The following CPEB3 variants were observed in gnomAD, a reference collection of about 807,000 sequenced individuals.
CPEB3 encodes cytoplasmic polyadenylation element-binding protein 3.
A neutral mutation model predicts 67.2 loss-of-function variants in CPEB3; 20 were observed. That is an observed-to-expected ratio of 0.30 (90% CI 0.21 to 0.43). The LOEUF is 0.43. Ranked by LOEUF, CPEB3 falls within the 20% of genes least tolerant of loss-of-function variation. The pLI is 1.00. For missense variants in CPEB3, 746 were observed against 968.6 expected (o/e 0.77, Z 3.05); for synonymous variants, 376 against 393.1 (o/e 0.96, Z 0.51).
intron 2 of CPEB3, among the ~76,000 whole-genome samples, chr10:92,237,232 C>A (rs1590485204): frequency 6.6e-6 from 1 of 152,286 alleles, no homozygotes; most frequent in Non-Finnish European, 1.5e-5. Context: ...AAAATTGCTC[C>A]AAAACCCTAA....
At chr10:92,192,662 A>G (rs1590349713) in intron 2 of CPEB3, 26 bp from the exon 3 acceptor site, 1 of 1,530,922 alleles carries the variant, frequency 6.5e-7, no homozygotes, top group East Asian at 2.3e-5. Flanking sequence ...AAAACAAGAC[A>G]ATACATAAAA....
intron 2 of CPEB3, among the ~76,000 whole-genome samples, chr10:92,236,574 C>T (rs1256437050): frequency 1.3e-5 from 2 of 152,020 alleles, no homozygotes; most frequent in South Asian, 2.1e-4. Context: ...ATGGTGAAAC[C>T]CTGCTTCTAC....
intron 9 of CPEB3, among the ~76,000 whole-genome samples, chr10:92,071,008 T>C (rs959455348): frequency 2.0e-5 from 3 of 151,944 alleles, no homozygotes; most frequent in African/African-American, 7.3e-5. Context: ...TTTGACATAA[T>C]GTGTTATCAG....
intron 2 of CPEB3, among the ~76,000 whole-genome samples, chr10:92,198,634 A>G (rs1438160595): frequency 6.6e-6 from 1 of 152,242 alleles, no homozygotes; most frequent in African/African-American, 2.4e-5. Flanking sequence ...GAACCAAATG[A>G]TAAAATTAAC....
intron 2 of CPEB3, among the ~76,000 whole-genome samples, chr10:92,206,762 T>C (rs1849811720): frequency 6.6e-6 from 1 of 152,198 alleles, no homozygotes; most frequent in Non-Finnish European, 1.5e-5. Flanking sequence ...ATTACTTTTC[T>C]AGGCAAATTA....
intron 2 of CPEB3, among the ~76,000 whole-genome samples, chr10:92,231,722 C>T (rs1367846072): frequency 6.6e-6 from 1 of 151,936 alleles, no homozygotes; most frequent in Non-Finnish European, 1.5e-5. Context: ...CTTTTCTTTT[C>T]TTTTCTTTTC....
intron 2 of CPEB3, among the ~76,000 whole-genome samples, chr10:92,230,413 C>T (rs2134552771): frequency 6.6e-6 from 1 of 152,244 alleles, no homozygotes; most frequent in East Asian, 1.9e-4. Context: ...AATATAAAGG[C>T]TGTTTTGTGC....
rs574721174 is a variant in CPEB3, at chr10:92,203,358, ATATATATG to A, written c.1006-10730_1006-10723del. 4.5e-3 allele frequency among the ~76,000 whole-genome samples: 657 copies of A among 147,008 alleles called. 4 individuals carry two copies. Among genetic ancestry groups the A allele is most frequent in the Non-Finnish European group, 7.2e-3 (482 of 67,054 alleles). ...AGATGATATATATATATATATATGT[ATATATATG>A]TATATATGTATATATGTATGTGTAT... On this transcript the variant is annotated intron_variant, in intron 2 of 9. Coordinates refer to ENST00000265997, the MANE Select transcript of CPEB3 (RefSeq NM_014912.5).
intron 1 of CPEB3, among the ~76,000 whole-genome samples, chr10:92,249,686 ATTTT>A (rs1852213275): frequency 6.6e-6 from 1 of 151,540 alleles, no homozygotes; most frequent in African/African-American, 2.4e-5. Context: ...AAAATTAGAA[ATTTT>A]AAAAGTTGAA....
intron 2 of CPEB3, among the ~76,000 whole-genome samples, chr10:92,215,190 T>C (rs2134378550): frequency 6.6e-6 from 1 of 151,154 alleles, no homozygotes; most frequent in East Asian, 1.9e-4. Flanking sequence ...TCTCACTCTG[T>C]TGCCCGGGCT....
At chr10:92,095,598 ATATTTTTTT>A (rs1193207863) in intron 7 of CPEB3, among the ~76,000 whole-genome samples, 1 of 85,290 alleles carries the variant, frequency 1.2e-5, no homozygotes, top group African/African-American at 5.9e-5. Context: ...ATATATATAT[ATATTTTTTT>A]TTTTTCATTG....
At chr10:92,117,187 C>G (rs1455868321) in intron 6 of CPEB3, among the ~76,000 whole-genome samples, 1 of 151,340 alleles carries the variant, frequency 6.6e-6, no homozygotes, top group East Asian at 1.9e-4. Context: ...CCATACCTGG[C>G]AAATTTTTGT....
Position 92,148,637 on chromosome 10 carries a change from C to A in CPEB3, c.1223-3552G>T, listed in dbSNP as rs1363116301. On this transcript the variant is annotated intron_variant, in intron 4 of 9. Coordinates refer to ENST00000265997, the MANE Select transcript of CPEB3 (RefSeq NM_014912.5). ...CTTGTTCACCACTGTATCTTCCTGC[C>A]CTAATTAGGTCACATAAAAGGCACA... Among the ~76,000 whole-genome samples, 3 of 152,138 alleles carry A rather than the reference C, an allele frequency of 2.0e-5. No homozygotes were observed. In the South Asian group the frequency reaches 6.2e-4, roughly 32 times the overall value.
At chr10:92,093,434 G>A (rs1291878678) in intron 7 of CPEB3, among the ~76,000 whole-genome samples, 1 of 152,094 alleles carries the variant, frequency 6.6e-6, no homozygotes, top group Non-Finnish European at 1.5e-5. Context: ...GGTAGCACCT[G>A]TGGCAATTAT....
chr10:92,155,412 T>C, intron 4 of CPEB3, among the ~76,000 whole-genome samples: 1 of 152,186 alleles, frequency 6.6e-6, no homozygotes. Context: ...AAAATAAGCA[T>C]GAGGAAGTCT....
intron 2 of CPEB3, among the ~76,000 whole-genome samples, chr10:92,237,691 A>G (rs1851605773): frequency 6.6e-6 from 1 of 152,216 alleles, no homozygotes; most frequent in African/African-American, 2.4e-5. Context: ...ATGAGAATAA[A>G]GAGAGGGAAT....
At chr10:92,144,851 G>A in intron 5 of CPEB3, 94 bp downstream of exon 5, 1 of 1,107,144 alleles carries the variant, frequency 9.0e-7, no homozygotes, top group Non-Finnish European at 1.3e-6. Flanking sequence ...CTAAGATATA[G>A]ATGTCCTAAA....
rs766500967 is a variant in CPEB3 at position 92,256,575 on chromosome 10, T to C, written c.-11-16214A>G. ...AGCTAATTTTTGTATTTTTAGTAGA[T>C]GGGGTTTCACCATGTTGGCCAGGAT... On this transcript the variant is annotated intron_variant, in intron 1 of 9. Transcript: ENST00000265997. Among the ~76,000 whole-genome samples the C allele has an allele frequency of 2.0e-5, 3 of 151,878 alleles. 1 individual carries two copies. The highest frequency in any genetic ancestry group is 2.1e-4 in the South Asian group (1 of 4,816).
intron 1 of CPEB3, among the ~76,000 whole-genome samples, chr10:92,278,658 T>C (rs368974482): frequency 6.0e-5 from 9 of 150,322 alleles, no homozygotes; most frequent in African/African-American, 2.2e-4. Flanking sequence ...TGGAGTGCAG[T>C]GGCATGATCT....
Sources: gnomAD v4.1 joint callset for allele counts (sites outside exome capture counted in the v4.1 genomes callset) on GRCh38, gnomAD v4.1.1 for gene constraint, MANE v1.5 for transcripts, NCBI Gene and HGNC (gene_info 2026-07-23, HGNC 2026-07-21) for gene names.